MED12L: variants seen among roughly 807,000 people sequenced by gnomAD.
The protein encoded by MED12L is mediator complex subunit 12L, also known as mediator of RNA polymerase II transcription subunit 12-like protein.
A neutral mutation model predicts 281.3 loss-of-function variants in MED12L; 60 were observed. The ratio of observed to expected loss-of-function variants is 0.21; its 90% CI spans 0.17 to 0.26. The LOEUF is 0.26. MED12L is among the 10% of genes least tolerant of loss of function. The probability of loss-of-function intolerance (pLI) is 1.00; values close to 1 mark genes in which losing one functional copy is unlikely to be tolerated. For synonymous variants in MED12L, 974 were observed against 987.2 expected (o/e 0.99, Z 0.25); for missense variants, 2,146 against 2,680.9 (o/e 0.80, Z 4.41).
At chr3:151,189,630 C>T (rs1415212334) in intron 13 of MED12L, among the ~76,000 whole-genome samples, 6 of 152,244 alleles carry the variant, frequency 3.9e-5, no homozygotes, top group South Asian at 2.1e-4. Context: ...TGCTCATCAC[C>T]GAGTTTGGTA....
intron 5 of MED12L, among the ~76,000 whole-genome samples, chr3:151,138,307 T>TA (rs943052941): frequency 7.9e-5 from 12 of 152,256 alleles, no homozygotes; most frequent in Non-Finnish European, 1.6e-4. Flanking sequence ...TCAAAAATGT[T>TA]AAAAAAACTT....
chr3:151,364,005 TA>T (rs974042504), intron 21 of MED12L, among the ~76,000 whole-genome samples: 1 of 151,008 alleles, frequency 6.6e-6, no homozygotes, highest in Non-Finnish European at 1.5e-5. Context: ...ATATGGGGTT[TA>T]AAAAAAAAGC....
chr3:151,385,042 G>A lies in MED12L; in HGVS notation c.4939G>A (p.Asp1647Asn). ...LVKKLKKELG[D>N]KRSESIDKVR... ...CTTTTTTCTTTAGAAAGAGCTAGGA[G>A]ACAAGCGATCAGAAAGTATTGACAA... Residue 1647 changes from aspartate to asparagine, a missense_variant, in exon 36 of 45, where the codon GAC (aspartate) becomes AAC (asparagine). By Grantham distance (23) the Asp-to-Asn change is conservative (BLOSUM62 1). This residue lies in a region of MED12L where 212 missense variants were observed against 340.8 expected (regional missense o/e 0.62). Transcript: ENST00000687756. The A allele has an allele frequency of 6.5e-7, 1 of 1,533,788 alleles. No individual in the cohort carries two copies. The highest frequency in any genetic ancestry group is 1.1e-5 in the South Asian group (1 of 88,844).
At chr3:151,147,584 A>T (rs1469857307) in intron 5 of MED12L, among the ~76,000 whole-genome samples, 1 of 152,184 alleles carries the variant, frequency 6.6e-6, no homozygotes, top group African/African-American at 2.4e-5. Context: ...CCTTTTGTGG[A>T]CATTTTATAT....
At chr3:151,131,158 T>C (rs970745858) in intron 5 of MED12L, among the ~76,000 whole-genome samples, 3 of 152,246 alleles carry the variant, frequency 2.0e-5, no homozygotes, top group Admixed American at 6.5e-5. Flanking sequence ...CCATTCCTTA[T>C]GTTCTCTTAA....
In MED12L at chr3:151,286,634, T is replaced by G. The variant is rs111644316; in HGVS notation, c.2251-63425T>G. Among the ~76,000 whole-genome samples, 1,144 of 152,226 alleles carry G rather than the reference T, an allele frequency of 7.5e-3. 8 individuals carry two copies. Among genetic ancestry groups the G allele is most frequent in the South Asian group, 0.014 (67 of 4,822 alleles). ...TGATGAAATGGCTGGATTCATGGAGTTCTTTTTCCTTAAGCTGCTTGTTTT... is the reference window on the plus strand; with the variant it reads ...TGATGAAATGGCTGGATTCATGGAGGTCTTTTTCCTTAAGCTGCTTGTTTT... On this transcript the variant is annotated intron_variant, in intron 16 of 44. Transcript: ENST00000687756.
chr3:151,218,606 A>G (rs955721713), intron 16 of MED12L, among the ~76,000 whole-genome samples: 2 of 152,010 alleles, frequency 1.3e-5, no homozygotes, highest in Non-Finnish European at 2.9e-5. Flanking sequence ...CGGTGGCTCA[A>G]GCCTGTAATC....
chr3:151,406,095 A>G (rs897451655), intron 39 of MED12L, among the ~76,000 whole-genome samples: 1 of 152,222 alleles, frequency 6.6e-6, no homozygotes, highest in African/African-American at 2.4e-5. Context: ...CTGATTTGCC[A>G]GGCATGGTCT....
At chr3:151,222,254 G>A (rs1489797622) in intron 16 of MED12L, among the ~76,000 whole-genome samples, 1 of 152,218 alleles carries the variant, frequency 6.6e-6, no homozygotes, top group African/African-American at 2.4e-5. Flanking sequence ...TGTCTGGGAT[G>A]AGACTCTGGA....
At chr3:151,384,975 T>C in intron 35 of MED12L, 55 bp from the exon 36 acceptor site, 1 of 969,912 alleles carries the variant, frequency 1.0e-6, no homozygotes, top group Non-Finnish European at 1.6e-6. Context: ...AACTTTTGCC[T>C]TCATTGTAAT....
intron 16 of MED12L, among the ~76,000 whole-genome samples, chr3:151,240,630 T>C (rs1187904901): frequency 2.0e-5 from 3 of 152,122 alleles, no homozygotes; most frequent in Non-Finnish European, 4.4e-5. Context: ...ATCTCCTTTA[T>C]CTACCATGCA....
Position 151,436,167 on chromosome 3 carries a change from G to C in MED12L, c.*3363G>C, listed in dbSNP as rs1196935494. 3.3e-5 allele frequency: 5 copies of C among 152,230 alleles called. No individual in the cohort carries two copies. Among genetic ancestry groups the C allele is most frequent in the African/African-American group, 9.7e-5 (4 of 41,418 alleles). The allele number at this position is 152,230 out of a possible 1,614,324, so 9.4% of individuals were successfully genotyped here. ...CCCCATCAATGAAAATTTTCAGTGT[G>C]AACAAATGGTGAATCATAAGACAGT... is the stretch of plus-strand genomic sequence containing the variant. On this transcript the variant is annotated 3_prime_UTR_variant, in exon 45 of 45. Transcript: ENST00000687756.
At chr3:151,381,560 A>G (rs943338921) in intron 32 of MED12L, among the ~76,000 whole-genome samples, 2 of 152,178 alleles carry the variant, frequency 1.3e-5, no homozygotes, top group Admixed American at 1.3e-4. Context: ...TTAGGTGGAA[A>G]GATTCCCTTC....
intron 5 of MED12L, among the ~76,000 whole-genome samples, chr3:151,138,073 C>T (rs1018389272): frequency 6.6e-6 from 1 of 152,028 alleles, no homozygotes; most frequent in African/African-American, 2.4e-5. Context: ...TTTTAATCTT[C>T]CAGTTTTTAT....
chr3:151,238,566 G>A (rs1178386253), intron 16 of MED12L, among the ~76,000 whole-genome samples: 2 of 152,130 alleles, frequency 1.3e-5, no homozygotes, highest in Non-Finnish European at 2.9e-5. Flanking sequence ...TATTTTCATC[G>A]TGCTGAAATT....
chr3:151,193,965 CTT>C (rs34461662), intron 16 of MED12L, among the ~76,000 whole-genome samples: 4 of 123,494 alleles, frequency 3.2e-5, no homozygotes, highest in Non-Finnish European at 4.9e-5. Flanking sequence ...TTTTTCTTTT[CTT>C]TTTTTTTTTT....
chr3:151,329,607 G>A, intron 16 of MED12L: 2 of 1,022,288 alleles, frequency 2.0e-6, no homozygotes, highest in Non-Finnish European at 2.9e-6. Context: ...TTTTACTTAT[G>A]TAATGTGACC....
At position 151,433,758 on chromosome 3, in the gene MED12L, C is replaced by G. The variant is rs1366332804; in HGVS notation, c.*954C>G. ...ATCTGGCCCCAAAGTCCAGAAGGCTCTGGTTTTCATAAAAGGTGTATTTGC... is the reference window on the plus strand; with the variant it reads ...ATCTGGCCCCAAAGTCCAGAAGGCTGTGGTTTTCATAAAAGGTGTATTTGC... On this transcript the variant is annotated 3_prime_UTR_variant, in exon 45 of 45. Transcript: ENST00000687756. The G allele has an allele frequency of 2.6e-5, 4 of 152,596 alleles. No homozygotes were observed. The highest frequency in any genetic ancestry group is 5.9e-5 in the Non-Finnish European group (4 of 68,038). 9.5% of individuals were successfully genotyped at this position (152,596 alleles called of 1,614,324 possible).
intron 9 of MED12L, among the ~76,000 whole-genome samples, chr3:151,164,731 C>G (rs1720455255): frequency 6.6e-6 from 1 of 151,920 alleles, no homozygotes; most frequent in East Asian, 1.9e-4. Context: ...CCATCATTCT[C>G]AGCAAACTAT....
Sources: allele counts gnomAD v4.1 joint callset (sites outside exome capture counted in the v4.1 genomes callset), GRCh38; gene constraint gnomAD v4.1.1; regional missense constraint gnomAD v4.1.1; transcripts MANE v1.5; gene names NCBI Gene and HGNC (gene_info 2026-07-23, HGNC 2026-07-21).